LMX1B: variants seen among roughly 807,000 people sequenced by gnomAD.
LMX1B encodes LIM homeobox transcription factor 1 beta.
Under a neutral mutation model 51.4 loss-of-function variants are expected in LMX1B, and 12 were observed. The observed-to-expected ratio is 0.23, with a 90% CI of 0.15 to 0.38. The LOEUF is 0.38. Among genes scored for constraint, LMX1B ranks in the 10% least tolerant of loss-of-function variants. LMX1B has a pLI of 1.00. For synonymous variants in LMX1B, 237 were observed against 235.4 expected (o/e 1.01, Z -0.06); for missense variants, 445 against 571.1 (o/e 0.78, Z 2.25).
At chr9:126,637,309 AGT>A (rs1835731720) in intron 2 of LMX1B, among the ~76,000 whole-genome samples, 2 of 151,918 alleles carry the variant, frequency 1.3e-5, no homozygotes, top group Non-Finnish European at 2.9e-5. Context: ...TGTGTGTGTC[AGT>A]GTGTGTGTCC....
chr9:126,668,443 T>TGATTTATTATTATTATTATTATTATTA (rs1836386010), intron 2 of LMX1B, among the ~76,000 whole-genome samples: 1 of 146,922 alleles, frequency 6.8e-6, no homozygotes, highest in Non-Finnish European at 1.5e-5. Context: ...AGAAGCAGGA[T>TGATTTATTATTATTATTATTATTATTA]TTATTATTAT....
intron 2 of LMX1B, among the ~76,000 whole-genome samples, chr9:126,680,714 G>A (rs1302579506): frequency 6.6e-6 from 1 of 152,062 alleles, no homozygotes; most frequent in Non-Finnish European, 1.5e-5. Flanking sequence ...TAGATGAATG[G>A]GTGAATCACC....
intron 2 of LMX1B, among the ~76,000 whole-genome samples, chr9:126,630,034 G>T (rs540706965): frequency 6.6e-6 from 1 of 151,824 alleles, no homozygotes; most frequent in Non-Finnish European, 1.5e-5. Flanking sequence ...TGACCTACTC[G>T]GGAGTAGCTC....
intron 2 of LMX1B, among the ~76,000 whole-genome samples, chr9:126,623,665 T>C (rs1835461268): frequency 6.6e-6 from 1 of 152,066 alleles, no homozygotes; most frequent in Non-Finnish European, 1.5e-5. Flanking sequence ...GGGCTCTACA[T>C]TGTTGCTAAT....
Position 126,696,497 on chromosome 9 carries a change from C to A in LMX1B, c.*46C>A, listed in dbSNP as rs760746774. 1.2e-6 allele frequency: 2 copies of A among 1,608,666 alleles called. No individual in the cohort carries two copies. The highest frequency in any genetic ancestry group is 2.2e-5 in the South Asian group (2 of 90,908). ...CGCTTGGGCAGGGGCCTGGGGGGGACTGCCAGCCTCTGCGGCCAGCCTGGC... is the reference window on the plus strand; with the variant it reads ...CGCTTGGGCAGGGGCCTGGGGGGGAATGCCAGCCTCTGCGGCCAGCCTGGC... On this transcript the variant is annotated 3_prime_UTR_variant, in exon 8 of 8. Coordinates refer to ENST00000373474, the MANE Select transcript of LMX1B (RefSeq NM_001174147.2).
At chr9:126,684,228 G>A (rs1011192711) in intron 2 of LMX1B, among the ~76,000 whole-genome samples, 48 of 152,170 alleles carry the variant, frequency 3.2e-4, no homozygotes, top group Non-Finnish European at 6.0e-4. Context: ...AACCAGCCTA[G>A]AATCTGCCTG....
intron 2 of LMX1B, among the ~76,000 whole-genome samples, chr9:126,685,972 T>G (rs1369159822): frequency 1.3e-5 from 2 of 152,042 alleles, no homozygotes; most frequent in Admixed American, 6.5e-5. Context: ...AAGACCTGCT[T>G]GGAGAAGCTG....
chr9:126,642,169 C>T (rs889528058), intron 2 of LMX1B, among the ~76,000 whole-genome samples: 5 of 152,202 alleles, frequency 3.3e-5, no homozygotes, highest in African/African-American at 1.2e-4. Context: ...TCGCAGTCTG[C>T]CTGCTGCTGC....
rs112966043 is a variant in LMX1B at position 126,616,151 on chromosome 9, A to G, written c.326+582A>G. 2.8e-3 allele frequency among the ~76,000 whole-genome samples: 419 copies of G among 152,316 alleles called. 4 individuals carry two copies. Among genetic ancestry groups the G allele is most frequent in the African/African-American group, 9.5e-3 (395 of 41,576 alleles). On this transcript the variant is annotated intron_variant, in intron 2 of 7. Transcript: ENST00000373474. ...TTCCATGCGGGAATTTTGCACTTGC[A>G]GTTTTCTTTGGTTGGAGAAGCACTC...
intron 2 of LMX1B, among the ~76,000 whole-genome samples, chr9:126,676,780 C>T (rs1836572521): frequency 6.6e-6 from 1 of 152,154 alleles, no homozygotes; most frequent in Non-Finnish European, 1.5e-5. Context: ...CCGCAGATCC[C>T]CATAGGGAGG....
intron 2 of LMX1B, among the ~76,000 whole-genome samples, chr9:126,623,752 A>T (rs1835463527): frequency 1.3e-5 from 2 of 151,870 alleles, no homozygotes; most frequent in Non-Finnish European, 2.9e-5. Context: ...GGTGTCACTG[A>T]CCTCCTCTGC....
At chr9:126,633,850 G>C (rs1408295515) in intron 2 of LMX1B, among the ~76,000 whole-genome samples, 3 of 152,194 alleles carry the variant, frequency 2.0e-5, no homozygotes, top group Non-Finnish European at 4.4e-5. Context: ...TAGTCTGTGA[G>C]GCAGAGCCTG....
rs780090833 is a variant in LMX1B, at chr9:126,693,209, C to T, written c.627C>T (p.Ser209=). Residue 209 remains serine (S), a synonymous_variant, in exon 4 of 8, where the codon AGC becomes AGT. Coordinates refer to ENST00000373474, the MANE Select transcript of LMX1B (RefSeq NM_001174147.2). ...AKGQGSQSKG[S]GDDGKDPRRP... is the part of the protein sequence containing the mutation. ...GGCAGGGCAGTCAGAGCAAGGGCAG[C>T]GGGGATGACGGGAAGGACCCGCGGA... The T allele has an allele frequency of 5.0e-6, 8 of 1,608,018 alleles. No individual in the cohort carries two copies. Among genetic ancestry groups the T allele is most frequent in the South Asian group, 4.5e-5 (4 of 89,808 alleles).
chr9:126,658,651 AGG>A lies in LMX1B; in HGVS notation c.327-32182_327-32181del, dbSNP rs1836166222. Reference sequence around the variant, plus strand: ...CGTTATTACCTTGTCATAAATAGTTAGGGGAAGGCCCCCGAACGAGGCAGCTT... The same window carrying A: ...CGTTATTACCTTGTCATAAATAGTTAGGAAGGCCCCCGAACGAGGCAGCTT... On this transcript the variant is annotated intron_variant, in intron 2 of 7. Transcript: ENST00000373474. This position sits in a 1 kb window ranked among gnomAD's most constrained non-coding sequence, Gnocchi z 4.0. Among the ~76,000 whole-genome samples, 1 of 152,258 alleles carries A rather than the reference AGG, an allele frequency of 6.6e-6. No individual in the cohort carries two copies. The highest frequency in any genetic ancestry group is 2.4e-5 in the African/African-American group (1 of 41,466).
intron 2 of LMX1B, among the ~76,000 whole-genome samples, chr9:126,630,899 C>T (rs963030583): frequency 6.6e-6 from 1 of 152,244 alleles, no homozygotes; most frequent in Admixed American, 6.5e-5. Flanking sequence ...CTCCGGGCTG[C>T]CGGTGCAGCA....
At chr9:126,686,295 A>AT (rs1836768539) in intron 2 of LMX1B, among the ~76,000 whole-genome samples, 1 of 151,816 alleles carries the variant, frequency 6.6e-6, no homozygotes, top group African/African-American at 2.4e-5. Flanking sequence ...AAAAAAAAAA[A>AT]AGAAATTAAT....
chr9:126,614,437 C>G lies in LMX1B; in HGVS notation c.-13C>G. 1.2e-5 allele frequency: 18 copies of G among 1,481,726 alleles called. No homozygotes were observed. Among genetic ancestry groups the G allele is most frequent in the Non-Finnish European group, 1.5e-5 (17 of 1,113,996 alleles). The allele number at this position is 1,481,726 out of a possible 1,614,324, so 91.8% of individuals were successfully genotyped here. A position where few individuals can be genotyped will look rare whatever the true frequency, so the allele number is the denominator to read the frequency against. On this transcript the variant is annotated 5_prime_UTR_variant, in exon 1 of 8. Transcript: ENST00000373474. ...AGCCCGGCCGGCGGGGTCCGCAGCG[C>G]GCCCCGCGTCCCATGGATATAGCAA...
intron 2 of LMX1B, among the ~76,000 whole-genome samples, chr9:126,639,556 T>C (rs1182486698): frequency 4.6e-5 from 7 of 152,198 alleles, no homozygotes; most frequent in Non-Finnish European, 8.8e-5. Flanking sequence ...CCACCTACTC[T>C]GGGGTGAAAG....
chr9:126,664,315 A>G (rs910216868), intron 2 of LMX1B, among the ~76,000 whole-genome samples: 2 of 152,104 alleles, frequency 1.3e-5, no homozygotes, highest in Non-Finnish European at 2.9e-5. Flanking sequence ...TCGCCTGCAT[A>G]ACTTGGAGAC....
Sources: gnomAD v4.1 joint callset for allele counts (sites outside exome capture counted in the v4.1 genomes callset) on GRCh38, gnomAD v4.1.1 for gene constraint, Gnocchi (gnomAD v3.1) non-coding constraint, MANE v1.5 for transcripts, NCBI Gene and HGNC (gene_info 2026-07-23, HGNC 2026-07-21) for gene names.